PACSIN1: variants seen among roughly 807,000 people sequenced by gnomAD.
The protein encoded by PACSIN1 is protein kinase C and casein kinase substrate in neurons 1.
Under a neutral mutation model 59.5 loss-of-function variants are expected in PACSIN1, and 15 were observed. The observed-to-expected ratio is 0.25, with a 90% CI of 0.17 to 0.39. PACSIN1 has a LOEUF of 0.39. PACSIN1 is among the 10% of genes least tolerant of loss of function. The probability of loss-of-function intolerance (pLI) is 1.00; values close to 1 mark genes in which losing one functional copy is unlikely to be tolerated. For synonymous variants in PACSIN1, 210 were observed against 220.6 expected (o/e 0.95, Z 0.42); for missense variants, 420 against 580.2 (o/e 0.72, Z 2.84).
chr6:34,526,822 A>G (rs904415803), intron 2 of PACSIN1, among the ~76,000 whole-genome samples: 23 of 152,302 alleles, frequency 1.5e-4, no homozygotes, highest in Non-Finnish European at 2.9e-4. Context: ...AACCTTCGGA[A>G]ATATTTGAGA....
chr6:34,529,606 G>A lies in PACSIN1; in HGVS notation c.612+54G>A. The stretch of plus-strand genomic sequence containing the variant: ...GGTCTGGGGGCCCCTTGCAGAGGGT[G>A]GTGGCTGGGAGCTGCAGGCCTGGCT... On this transcript the variant is annotated intron_variant, in intron 5 of 9. Transcript: ENST00000244458. This position sits in a 1 kb window ranked among gnomAD's most constrained non-coding sequence, Gnocchi z 6.3. 1 of 1,612,540 alleles carries A rather than the reference G, an allele frequency of 6.2e-7. No individual in the cohort carries two copies. Among genetic ancestry groups the A allele is most frequent in the Non-Finnish European group, 8.5e-7 (1 of 1,178,714 alleles).
chr6:34,530,130 G>A lies in PACSIN1; in HGVS notation c.789-113G>A. The A allele has an allele frequency of 7.2e-7, 1 of 1,381,824 alleles. No individual in the cohort carries two copies. Among genetic ancestry groups the A allele is most frequent in the South Asian group, 1.5e-5 (1 of 67,298 alleles). The allele number at this position is 1,381,824 out of a possible 1,614,324, so 85.6% of individuals were successfully genotyped here. A position where few individuals can be genotyped will look rare whatever the true frequency, so the allele number is the denominator to read the frequency against. On this transcript the variant is annotated intron_variant, in intron 6 of 9. Coordinates refer to ENST00000244458, the MANE Select transcript of PACSIN1 (RefSeq NM_020804.5). This position sits in a 1 kb window ranked among gnomAD's most constrained non-coding sequence, Gnocchi z 4.4. ...TGCAAAGCCCACATGATTCCTGGCTGGGCAGCATGCCCAGCACCCTGCTTC... is the reference window on the plus strand; with the variant it reads ...TGCAAAGCCCACATGATTCCTGGCTAGGCAGCATGCCCAGCACCCTGCTTC...
chr6:34,503,821 C>T (rs1225018679), intron 1 of PACSIN1, among the ~76,000 whole-genome samples: 3 of 152,136 alleles, frequency 2.0e-5, no homozygotes, highest in African/African-American at 4.8e-5. Context: ...ATTCAATGAA[C>T]TTTACACCTG....
chr6:34,472,625 A>G (rs1345609067), intron 1 of PACSIN1, among the ~76,000 whole-genome samples: 1 of 152,194 alleles, frequency 6.6e-6, no homozygotes, highest in Non-Finnish European at 1.5e-5. Flanking sequence ...TGTGAGTCAC[A>G]TGCTGCCACG....
intron 1 of PACSIN1, among the ~76,000 whole-genome samples, chr6:34,484,467 G>C (rs1284054211): frequency 6.6e-6 from 1 of 152,168 alleles, no homozygotes; most frequent in Non-Finnish European, 1.5e-5. Context: ...GAGGTAAACA[G>C]GTAGAAAGCA....
chr6:34,489,787 G>C (rs971983033), intron 1 of PACSIN1, among the ~76,000 whole-genome samples: 9 of 152,172 alleles, frequency 5.9e-5, no homozygotes, highest in Admixed American at 2.0e-4. Flanking sequence ...ATGTCCATGT[G>C]GACCCTATGT....
chr6:34,473,013 C>T (rs1423397423), intron 1 of PACSIN1, among the ~76,000 whole-genome samples: 1 of 152,168 alleles, frequency 6.6e-6, no homozygotes, highest in Non-Finnish European at 1.5e-5. Flanking sequence ...TGAGGTCACA[C>T]AGTAAGTGGC....
chr6:34,495,205 TC>T (rs1766930740), intron 1 of PACSIN1, among the ~76,000 whole-genome samples: 1 of 152,174 alleles, frequency 6.6e-6, no homozygotes, highest in Non-Finnish European at 1.5e-5. Context: ...TCACATCTCT[TC>T]CCTTAACTCT....
rs1317131151 is a variant in PACSIN1 at position 34,532,189 on chromosome 6, C to T, written c.1226-232C>T. On this transcript the variant is annotated intron_variant, in intron 9 of 9. Coordinates refer to ENST00000244458, the MANE Select transcript of PACSIN1 (RefSeq NM_020804.5). This position sits in a 1 kb window ranked among gnomAD's most constrained non-coding sequence, Gnocchi z 5.2. The stretch of plus-strand genomic sequence containing the variant: ...TGGATGCGAGGTCTGGTTTTGGGGA[C>T]GGACCCGACACCCAGATTAGGTGAA... 6.6e-6 allele frequency among the ~76,000 whole-genome samples: 1 copy of T among 151,900 alleles called. No homozygotes were observed. The highest frequency in any genetic ancestry group is 2.1e-4 in the South Asian group (1 of 4,816).
chr6:34,482,157 G>A (rs184976216), intron 1 of PACSIN1, among the ~76,000 whole-genome samples: 2 of 152,170 alleles, frequency 1.3e-5, no homozygotes, highest in African/African-American at 4.8e-5. Flanking sequence ...CGTGACCTCG[G>A]CTCACCGCAA....
rs143465838 is a variant in PACSIN1 at position 34,517,417 on chromosome 6, C to T, written c.-63-8826C>T. Among the ~76,000 whole-genome samples, 1,374 of 152,286 alleles carry T rather than the reference C, an allele frequency of 9.0e-3. 11 individuals are homozygous for T. The highest frequency in any genetic ancestry group is 0.016 in the Non-Finnish European group (1,112 of 68,008). On this transcript the variant is annotated intron_variant, in intron 1 of 9. Transcript: ENST00000244458. ...GATCACATCCCACCTCTTCCCAAAC[C>T]CTGCAATGGCTCCCATCTCACTCAG...
At chr6:34,466,762 G>A (rs1766502641) in intron 1 of PACSIN1, among the ~76,000 whole-genome samples, 1 of 152,180 alleles carries the variant, frequency 6.6e-6, no homozygotes, top group African/African-American at 2.4e-5. Context: ...CAGCTGGGAT[G>A]GGAGCGGGGA....
intron 1 of PACSIN1, among the ~76,000 whole-genome samples, chr6:34,489,216 G>T (rs916021906): frequency 1.3e-5 from 2 of 151,886 alleles, no homozygotes; most frequent in Non-Finnish European, 2.9e-5. Flanking sequence ...TTTATGGTGT[G>T]CAACATGATG....
intron 1 of PACSIN1, among the ~76,000 whole-genome samples, chr6:34,519,274 G>A (rs1767346384): frequency 6.6e-6 from 1 of 152,138 alleles, no homozygotes. Flanking sequence ...CCAGCCTTGA[G>A]TAAGGTTTGA....
chr6:34,492,195 C>CCCTT (rs1766887089), intron 1 of PACSIN1, among the ~76,000 whole-genome samples: 1 of 80,182 alleles, frequency 1.2e-5, no homozygotes, highest in African/African-American at 4.7e-5. Flanking sequence ...CTTTTTTGAC[C>CCCTT]TTTTTTTTTT....
At chr6:34,480,620 G>C (rs559093591) in intron 1 of PACSIN1, among the ~76,000 whole-genome samples, 1 of 151,622 alleles carries the variant, frequency 6.6e-6, no homozygotes, top group East Asian at 1.9e-4. Flanking sequence ...TTTCTGATTT[G>C]TGTCTACTGT....
chr6:34,496,474 C>T (rs1023415588), intron 1 of PACSIN1, among the ~76,000 whole-genome samples: 2 of 152,212 alleles, frequency 1.3e-5, no homozygotes, highest in East Asian at 3.9e-4. Context: ...AGAGGCTGCT[C>T]GGCCTCCTCC....
At chr6:34,495,693 C>G (rs1348061041) in intron 1 of PACSIN1, among the ~76,000 whole-genome samples, 1 of 152,098 alleles carries the variant, frequency 6.6e-6, no homozygotes, top group African/African-American at 2.4e-5. Context: ...TCTCAGGTGA[C>G]CCGCCCACCT....
At chr6:34,477,499 G>T (rs984131311) in intron 1 of PACSIN1, among the ~76,000 whole-genome samples, 15 of 152,150 alleles carry the variant, frequency 9.9e-5, no homozygotes, top group African/African-American at 3.6e-4. Flanking sequence ...GCAACAGCTG[G>T]GGGACCAGGG....
Sources: gnomAD v4.1 joint callset for allele counts (sites outside exome capture counted in the v4.1 genomes callset) on GRCh38, gnomAD v4.1.1 for gene constraint, Gnocchi (gnomAD v3.1) non-coding constraint, MANE v1.5 for transcripts, NCBI Gene and HGNC (gene_info 2026-07-23, HGNC 2026-07-21) for gene names.